RNLS: variants seen among roughly 807,000 people sequenced by gnomAD.
RNLS encodes renalase.
In RNLS, 39 loss-of-function variants were observed where a neutral mutation model predicts 39.8. That is an observed-to-expected ratio of 0.98 (90% CI 0.76 to 1.28). RNLS has a LOEUF of 1.28. Among genes scored for constraint, RNLS ranks in the 50% most tolerant of loss-of-function variants. The pLI, the probability that RNLS is intolerant of heterozygous loss-of-function variation, is 0.00. For missense variants in RNLS, 410 were observed against 413.3 expected (o/e 0.99, Z 0.07); for synonymous variants, 147 against 150.7 (o/e 0.98, Z 0.18).
intron 4 of RNLS, among the ~76,000 whole-genome samples, chr10:88,402,407 T>C (rs1438299049): frequency 6.6e-6 from 1 of 151,616 alleles, no homozygotes. Flanking sequence ...ATATTACACA[T>C]TGAAAGAGTG....
the RNLS span, among the ~76,000 whole-genome samples, chr10:88,222,299 C>G: frequency 7.9e-5 from 12 of 152,154 alleles, no homozygotes; most frequent in Non-Finnish European, 1.5e-4. Context: ...GTTCCCTCAT[C>G]CCACAGCACT....
intron 4 of RNLS, among the ~76,000 whole-genome samples, chr10:88,464,635 G>C (rs1843106112): frequency 6.6e-6 from 1 of 151,974 alleles, no homozygotes; most frequent in South Asian, 2.1e-4. Flanking sequence ...ACCCAAACCA[G>C]AACTTTTTAC....
At chr10:88,539,920 A>G (rs1380056444) in intron 4 of RNLS, among the ~76,000 whole-genome samples, 1 of 152,098 alleles carries the variant, frequency 6.6e-6, no homozygotes, top group Non-Finnish European at 1.5e-5. Flanking sequence ...TCTACATACA[A>G]GATACTATGC....
At chr10:88,182,473 A>G in the RNLS span, among the ~76,000 whole-genome samples, 12 of 152,174 alleles carry the variant, frequency 7.9e-5, no homozygotes, top group Admixed American at 7.9e-4. Flanking sequence ...ACTCAGCTAT[A>G]TTCATATCTG....
At chr10:88,480,284 T>G (rs766163399) in intron 4 of RNLS, among the ~76,000 whole-genome samples, 19 of 152,306 alleles carry the variant, frequency 1.2e-4, no homozygotes, top group Non-Finnish European at 2.4e-4. Flanking sequence ...ATTTGAGAGG[T>G]TCTTCAAAGT....
chr10:88,452,868 C>T (rs1460274540), intron 4 of RNLS, among the ~76,000 whole-genome samples: 2 of 152,162 alleles, frequency 1.3e-5, no homozygotes, highest in Non-Finnish European at 2.9e-5. Flanking sequence ...TTGGTACTCT[C>T]TTGCTCAATT....
chr10:88,305,356 T>C (rs1844843300), intron 6 of RNLS, among the ~76,000 whole-genome samples: 1 of 152,010 alleles, frequency 6.6e-6, no homozygotes, highest in Non-Finnish European at 1.5e-5. Context: ...AGTACAAAAC[T>C]TGAATATAAA....
the RNLS span, among the ~76,000 whole-genome samples, chr10:88,254,926 A>G: frequency 6.6e-6 from 1 of 152,240 alleles, no homozygotes; most frequent in African/African-American, 2.4e-5. Flanking sequence ...GCCTTCCGAG[A>G]ATAAATATAA....
intron 3 of RNLS, among the ~76,000 whole-genome samples, chr10:88,573,522 A>C (rs1279657454): frequency 6.6e-6 from 1 of 152,208 alleles, no homozygotes; most frequent in Non-Finnish European, 1.5e-5. Context: ...AAATAAGAAG[A>C]GCAATATTCT....
the RNLS span, among the ~76,000 whole-genome samples, chr10:88,175,422 T>C: frequency 6.6e-6 from 1 of 152,120 alleles, no homozygotes; most frequent in Non-Finnish European, 1.5e-5. Flanking sequence ...TGCTATAACC[T>C]CAGGTTTTGG....
At chr10:88,231,355 G>C in the RNLS span, among the ~76,000 whole-genome samples, 1 of 152,194 alleles carries the variant, frequency 6.6e-6, no homozygotes, top group Non-Finnish European at 1.5e-5. Flanking sequence ...GCCCAGGAGA[G>C]AGGCCTCAGA....
intron 4 of RNLS, among the ~76,000 whole-genome samples, chr10:88,469,965 G>C (rs1262324835): frequency 6.6e-6 from 1 of 151,002 alleles, no homozygotes; most frequent in Non-Finnish European, 1.5e-5. Flanking sequence ...ATATACATAT[G>C]TATATCTCAT....
the RNLS span, among the ~76,000 whole-genome samples, chr10:88,236,574 C>A: frequency 1.3e-5 from 2 of 152,204 alleles, no homozygotes; most frequent in African/African-American, 4.8e-5. Flanking sequence ...GGTGGCAGTG[C>A]AAGTCAGGGC....
At chr10:88,535,005 G>A (rs905083157) in intron 4 of RNLS, among the ~76,000 whole-genome samples, 10 of 151,982 alleles carry the variant, frequency 6.6e-5, no homozygotes, top group Admixed American at 3.9e-4. Context: ...TATGAGAGAC[G>A]GGTCCCTGAG....
the RNLS span, among the ~76,000 whole-genome samples, chr10:88,254,188 A>C: frequency 6.6e-6 from 1 of 152,260 alleles, no homozygotes; most frequent in East Asian, 1.9e-4. Context: ...TCTCCCCAGC[A>C]TATCCAGCTG....
At chr10:88,223,683 G>T in the RNLS span, among the ~76,000 whole-genome samples, 66 of 152,266 alleles carry the variant, frequency 4.3e-4, no homozygotes, top group Non-Finnish European at 8.4e-4. Flanking sequence ...TCACTGTAGA[G>T]ATAGATTTGT....
chr10:88,296,650 AAAAC>A (rs1488537890), intron 6 of RNLS, among the ~76,000 whole-genome samples: 8 of 152,206 alleles, frequency 5.3e-5, no homozygotes, highest in Non-Finnish European at 4.4e-5. Context: ...TGGAGAATAA[AAAAC>A]AGGTGGTTTT....
At chr10:88,525,552 A>G (rs1401311005) in intron 4 of RNLS, among the ~76,000 whole-genome samples, 1 of 152,102 alleles carries the variant, frequency 6.6e-6, no homozygotes, top group Non-Finnish European at 1.5e-5. Flanking sequence ...CGTATGTAGT[A>G]GTGCAGTTAC....
chr10:88,317,629 T>C (rs1169861754), intron 5 of RNLS, among the ~76,000 whole-genome samples: 1 of 152,228 alleles, frequency 6.6e-6, no homozygotes, highest in African/African-American at 2.4e-5. Context: ...TTCAGTAGCA[T>C]TGAGTATGTT....
Sources: gnomAD v4.1 joint callset for allele counts (sites outside exome capture counted in the v4.1 genomes callset) on GRCh38, gnomAD v4.1.1 for gene constraint, MANE v1.5 for transcripts, NCBI Gene and HGNC (gene_info 2026-07-23, HGNC 2026-07-21) for gene names.